CDK5RAP2: variants seen among roughly 807,000 people sequenced by gnomAD.
The protein encoded by CDK5RAP2 is CDK5 regulatory subunit-associated protein 2.
Under a neutral mutation model 232.9 loss-of-function variants are expected in CDK5RAP2, and 147 were observed. The ratio of observed to expected loss-of-function variants is 0.63; its 90% CI spans 0.55 to 0.72. CDK5RAP2 has a LOEUF of 0.72. Among genes scored for constraint, CDK5RAP2 ranks in the 30% least tolerant of loss-of-function variants. CDK5RAP2 has a pLI of 0.00. For synonymous variants in CDK5RAP2, 833 were observed against 833.7 expected (o/e 1.00, Z 0.01); for missense variants, 2,195 against 2,231.5 (o/e 0.98, Z 0.33).
intron 3 of CDK5RAP2, among the ~76,000 whole-genome samples, chr9:120,559,710 T>C (rs1469715270): frequency 2.0e-5 from 3 of 152,110 alleles, no homozygotes; most frequent in Non-Finnish European, 4.4e-5. Flanking sequence ...CAAGGCTGTA[T>C]TTGCCACATT....
intron 3 of CDK5RAP2, among the ~76,000 whole-genome samples, chr9:120,552,388 G>A (rs1271034115): frequency 1.3e-5 from 2 of 152,080 alleles, no homozygotes; most frequent in Admixed American, 1.3e-4. Context: ...AAAGACACAC[G>A]CACACGTATG....
Position 120,408,380 on chromosome 9 carries a change from C to G in CDK5RAP2, c.4693G>C (p.Glu1565Gln), listed in dbSNP as rs948169747. 6.2e-7 allele frequency: 1 copy of G among 1,614,170 alleles called. No homozygotes were observed. The highest frequency in any genetic ancestry group is 1.3e-5 in the African/African-American group (1 of 75,038). Residue 1565 changes from glutamate to glutamine, a missense_variant, in exon 31 of 38, where the codon GAG (glutamate) becomes CAG (glutamine). Glu to Gln is a conservative substitution (Grantham distance 29). Coordinates refer to ENST00000349780, the MANE Select transcript of CDK5RAP2 (RefSeq NM_018249.6). Reference sequence around the variant, plus strand: ...CTCCTGTGCTCTTCATCCAGCTTCTCATACGCCTTCAGCTCCACTCGGAGA... The same window carrying G: ...CTCCTGTGCTCTTCATCCAGCTTCTGATACGCCTTCAGCTCCACTCGGAGA... ...QSLRVELKAYEKLDEEHRRLR... is the reference protein window; with the variant it reads ...QSLRVELKAYQKLDEEHRRLR...
intron 25 of CDK5RAP2, among the ~76,000 whole-genome samples, chr9:120,426,386 G>C (rs2034904034): frequency 6.6e-6 from 1 of 152,210 alleles, no homozygotes; most frequent in Non-Finnish European, 1.5e-5. Flanking sequence ...GTATACACTG[G>C]TCTGGTCCGG....
At chr9:120,458,714 A>G (rs2036923636) in intron 19 of CDK5RAP2, 92 bp from the exon 20 acceptor site, 5 of 1,154,642 alleles carry the variant, frequency 4.3e-6, no homozygotes, top group Non-Finnish European at 6.5e-6. Flanking sequence ...TAAGTGAGTA[A>G]GTGAAAATAA....
At chr9:120,536,878 T>C (rs528996061) in intron 6 of CDK5RAP2, among the ~76,000 whole-genome samples, 20 of 150,742 alleles carry the variant, frequency 1.3e-4, no homozygotes, top group African/African-American at 4.9e-4. Context: ...ATAATTTCCA[T>C]ACAAATTCAT....
chr9:120,415,237 C>A, intron 27 of CDK5RAP2, 78 bp from the exon 28 acceptor site: 1 of 1,529,632 alleles, frequency 6.5e-7, no homozygotes, highest in Non-Finnish European at 9.0e-7. Flanking sequence ...TGCAGGGATC[C>A]TGAAATTCCA....
At chr9:120,472,319 G>T (rs2037756643) in intron 15 of CDK5RAP2, among the ~76,000 whole-genome samples, 1 of 152,160 alleles carries the variant, frequency 6.6e-6, no homozygotes, top group Non-Finnish European at 1.5e-5. Context: ...TTTTGCTATA[G>T]GCGTTAACTA....
chr9:120,453,515 G>A lies in CDK5RAP2; in HGVS notation c.2734C>T (p.Leu912=). 6.2e-7 allele frequency: 1 copy of A among 1,614,030 alleles called. No homozygotes were observed. Among genetic ancestry groups the A allele is most frequent in the Non-Finnish European group, 8.5e-7 (1 of 1,180,042 alleles). The change falls in exon 21 of 38, where the codon CTG becomes TTG. Residue 912 remains leucine, a synonymous_variant. Coordinates refer to ENST00000349780, the MANE Select transcript of CDK5RAP2 (RefSeq NM_018249.6). The part of the protein sequence containing the change: ...ALSAEHRPEN[L]HGVPGWQAAL... ...GCCTGCCACCCAGGCACCCCGTGCA[G>A]GTTCTCTGGCCGATGCTCTGCGCTG...
Position 120,403,038 on chromosome 9 carries a change from G to A in CDK5RAP2, c.5075C>T (p.Thr1692Met), listed in dbSNP as rs200125217. 49 of 1,614,146 alleles carry A rather than the reference G, an allele frequency of 3.0e-5. No homozygotes were observed. The Admixed American group carries it at 6.5e-4, about 21-fold the overall frequency. Residue 1692 changes from threonine to methionine, a missense_variant, in exon 34 of 38, where the codon ACG (threonine) becomes ATG (methionine). Thr to Met is a moderately conservative substitution (Grantham distance 81). Coordinates refer to ENST00000349780, the MANE Select transcript of CDK5RAP2 (RefSeq NM_018249.6). The surrounding 1 kb of genome is among the most constrained non-coding windows in gnomAD (Gnocchi z 4.2). ...GCCACTGTCGCAGGAGAGGGAGTCC[G>A]TGTCATTCCCAGAGAGTGGAGGAGT... The part of the protein sequence containing the change: ...SETPPLSGND[T>M]DSLSCDSGSS...
At chr9:120,573,805 TC>T (rs2042939490) in intron 1 of CDK5RAP2, among the ~76,000 whole-genome samples, 1 of 152,154 alleles carries the variant, frequency 6.6e-6, no homozygotes, top group Non-Finnish European at 1.5e-5. Context: ...CTCAATTTCC[TC>T]CAATAAACAT....
At chr9:120,487,861 C>T (rs1456628923) in intron 13 of CDK5RAP2, among the ~76,000 whole-genome samples, 1 of 152,164 alleles carries the variant, frequency 6.6e-6, no homozygotes, top group Non-Finnish European at 1.5e-5. Context: ...CAAAACCCAA[C>T]GAAGTCTTAG....
intron 3 of CDK5RAP2, among the ~76,000 whole-genome samples, chr9:120,558,453 G>T (rs114246776): frequency 1.4e-5 from 2 of 140,788 alleles, no homozygotes; most frequent in African/African-American, 2.6e-5. Flanking sequence ...ACTTCAGACC[G>T]ATCTGGTATA....
intron 3 of CDK5RAP2, 147 bp downstream of exon 3, chr9:120,568,174 T>C (rs1179131376): frequency 1.4e-6 from 1 of 737,190 alleles, no homozygotes; most frequent in African/African-American, 1.7e-5. Flanking sequence ...CGTAAAAGTC[T>C]CACAGAAGAT....
chr9:120,413,241 A>G (rs1473300318), intron 28 of CDK5RAP2, among the ~76,000 whole-genome samples: 1 of 152,246 alleles, frequency 6.6e-6, no homozygotes, highest in African/African-American at 2.4e-5. Context: ...TGAGCTAGTG[A>G]GATCCACTTC....
chr9:120,410,727 T>C (rs1033125181), intron 29 of CDK5RAP2, among the ~76,000 whole-genome samples: 2 of 152,212 alleles, frequency 1.3e-5, no homozygotes, highest in Admixed American at 6.5e-5. Flanking sequence ...AAAAGTGGGA[T>C]AAGCTGGCCC....
chr9:120,480,439 AAT>A (rs2038239030), intron 14 of CDK5RAP2, among the ~76,000 whole-genome samples: 1 of 152,222 alleles, frequency 6.6e-6, no homozygotes, highest in African/African-American at 2.4e-5. Context: ...CATCAAAAGA[AAT>A]AGTTATTTTG....
intron 4 of CDK5RAP2, 117 bp from the exon 5 acceptor site, chr9:120,545,907 A>C: frequency 1.2e-6 from 1 of 804,396 alleles, no homozygotes; most frequent in Non-Finnish European, 2.1e-6. Flanking sequence ...TAATAGGCAG[A>C]TGTTAGATTC....
rs115924903 is a variant in CDK5RAP2, at chr9:120,543,270, T to C, written c.383+2444A>G. On this transcript the variant is annotated intron_variant, in intron 5 of 37. Coordinates refer to ENST00000349780, the MANE Select transcript of CDK5RAP2 (RefSeq NM_018249.6). The stretch of plus-strand genomic sequence containing the variant: ...TGACTGGTCGCCCAGCTTTCACTCA[T>C]GCTGTCTCCACAATCCACTTTCCAC... Among the ~76,000 whole-genome samples, 1,298 of 152,314 alleles carry C rather than the reference T, an allele frequency of 8.5e-3. 17 individuals are homozygous for C. Among genetic ancestry groups the C allele is most frequent in the African/African-American group, 0.029 (1,211 of 41,568 alleles).
chr9:120,460,640 T>C lies in CDK5RAP2; in HGVS notation c.2134A>G (p.Thr712Ala), dbSNP rs2131454287. 1 of 1,614,150 alleles carries C rather than the reference T, an allele frequency of 6.2e-7. No individual in the cohort carries two copies. Among genetic ancestry groups the C allele is most frequent in the Admixed American group, 1.7e-5 (1 of 60,020 alleles). Residue 712 changes from threonine to alanine, a missense_variant, in exon 19 of 38, where the codon ACG becomes GCG. Transcript: ENST00000349780. ...ELLASKEDED[T>A]IKIGEDDEIN... Reference sequence around the variant, plus strand: ...TCGTCATCCTCCCCAATTTTGATCGTGTCCTCGTCCTCCTTGCTAGCCAGA... The same window carrying C: ...TCGTCATCCTCCCCAATTTTGATCGCGTCCTCGTCCTCCTTGCTAGCCAGA...
Sources: allele counts gnomAD v4.1 joint callset (sites outside exome capture counted in the v4.1 genomes callset), GRCh38; gene constraint gnomAD v4.1.1; non-coding constraint Gnocchi (gnomAD v3.1); transcripts MANE v1.5; gene names NCBI Gene and HGNC (gene_info 2026-07-23, HGNC 2026-07-21).